PRELID2: variants seen among roughly 807,000 people sequenced by gnomAD.
The protein encoded by PRELID2 is PRELI domain containing 2, also known as PRELI domain-containing protein 2.
In PRELID2, 25 loss-of-function variants were observed where a neutral mutation model predicts 28.4. The ratio of observed to expected loss-of-function variants is 0.88; its 90% confidence interval spans 0.64 to 1.23. PRELID2 has a LOEUF of 1.23. PRELID2 is among the 50% of genes most tolerant of loss of function. PRELID2 has a pLI of 0.00. For missense variants in PRELID2, 201 were observed against 214.4 expected, an observed-to-expected ratio of 0.94 and a Z score of 0.39; for synonymous variants, 76 against 71.6, an observed-to-expected ratio of 1.06 and a Z score of -0.31.
chr5:145,746,803 T>C (rs983382577), intron 1 of PRELID2, among the ~76,000 whole-genome samples: 3 of 152,046 alleles, frequency 2.0e-5, no homozygotes, highest in African/African-American at 7.2e-5. Context: ...CCTGAGCAAA[T>C]GCAAAAGAAT....
chr5:145,547,436 C>T (rs1426951880), intron 1 of PRELID2, among the ~76,000 whole-genome samples: 1 of 152,124 alleles, frequency 6.6e-6, no homozygotes, highest in South Asian at 2.1e-4. Context: ...CACTGGCTTG[C>T]ATTTCCTGAT....
At chr5:145,764,888 T>C in intron 6 of PRELID2, 43 bp downstream of exon 6, 1 of 1,427,242 alleles carries the variant, frequency 7.0e-7, no homozygotes, top group Middle Eastern at 1.8e-4. Context: ...AGCATGAAAA[T>C]ATGGCTTGTG....
chr5:145,240,853 T>C, the PRELID2 span, among the ~76,000 whole-genome samples: 1 of 151,988 alleles, frequency 6.6e-6, no homozygotes, highest in South Asian at 2.1e-4. Flanking sequence ...GTGAATATTA[T>C]AGTGATTCCA....
At chr5:145,270,409 T>A in the PRELID2 span, among the ~76,000 whole-genome samples, 2 of 152,080 alleles carry the variant, frequency 1.3e-5, no homozygotes, top group Non-Finnish European at 2.9e-5. Context: ...AAAGGAACAC[T>A]TTTTACATAA....
intron 1 of PRELID2, among the ~76,000 whole-genome samples, chr5:145,477,879 G>T (rs777062438): frequency 6.6e-6 from 1 of 151,990 alleles, no homozygotes; most frequent in Non-Finnish European, 1.5e-5. Flanking sequence ...AGAGGAGGAA[G>T]AGGAATAGGA....
chr5:145,671,764 A>G (rs986018351), intron 1 of PRELID2, among the ~76,000 whole-genome samples: 1 of 152,198 alleles, frequency 6.6e-6, no homozygotes, highest in African/African-American at 2.4e-5. Flanking sequence ...GTTGATATGT[A>G]AGATATAACC....
chr5:145,522,389 A>G (rs922178436), intron 1 of PRELID2, among the ~76,000 whole-genome samples: 18 of 149,824 alleles, frequency 1.2e-4, no homozygotes, highest in African/African-American at 4.4e-4. Flanking sequence ...CTATCTATAG[A>G]TACAGAGACA....
At chr5:145,580,910 C>A (rs1278453589) in intron 1 of PRELID2, among the ~76,000 whole-genome samples, 2 of 152,050 alleles carry the variant, frequency 1.3e-5, no homozygotes, top group East Asian at 3.9e-4. Context: ...TGCTTGAAAC[C>A]TTTCAATGAC....
the PRELID2 span, among the ~76,000 whole-genome samples, chr5:145,241,453 C>T: frequency 0.055 from 8,308 of 152,080 alleles, 404 homozygotes; most frequent in African/African-American, 0.13. Context: ...ATGTATATCG[C>T]ATTGCATTTT....
chr5:145,318,215 C>T, the PRELID2 span, among the ~76,000 whole-genome samples: 1 of 152,146 alleles, frequency 6.6e-6, no homozygotes, highest in Non-Finnish European at 1.5e-5. Flanking sequence ...TCTCAAAAGG[C>T]TAACATAGTG....
intron 1 of PRELID2, among the ~76,000 whole-genome samples, chr5:145,613,977 T>C (rs535388382): frequency 6.6e-6 from 1 of 152,348 alleles, no homozygotes; most frequent in South Asian, 2.1e-4. Flanking sequence ...CCTTAATCCA[T>C]CTTGAGTTGA....
At chr5:145,415,433 C>T in the PRELID2 span, among the ~76,000 whole-genome samples, 1 of 141,814 alleles carries the variant, frequency 7.1e-6, no homozygotes, top group East Asian at 2.2e-4. Flanking sequence ...CCCTCCCCCA[C>T]CCCCACCCCA....
At chr5:145,579,983 A>G (rs1029372831) in intron 1 of PRELID2, among the ~76,000 whole-genome samples, 5 of 152,116 alleles carry the variant, frequency 3.3e-5, no homozygotes, top group Non-Finnish European at 5.9e-5. Flanking sequence ...AAGATGAATG[A>G]ATAACTTTCC....
intron 1 of PRELID2, among the ~76,000 whole-genome samples, chr5:145,602,443 G>A (rs933975369): frequency 1.3e-5 from 2 of 152,104 alleles, no homozygotes; most frequent in African/African-American, 4.8e-5. Context: ...AAACAATAAA[G>A]CAATGTGTGA....
chr5:145,518,177 A>AATG (rs941199683), intron 1 of PRELID2, among the ~76,000 whole-genome samples: 209 of 137,522 alleles, frequency 1.5e-3, no homozygotes, highest in Admixed American at 2.9e-3. Context: ...TAATAATAAT[A>AATG]ATGATGTCAT....
intron 2 of PRELID2, among the ~76,000 whole-genome samples, chr5:145,472,319 G>C (rs917909560): frequency 6.6e-6 from 1 of 152,110 alleles, no homozygotes; most frequent in African/African-American, 2.4e-5. Context: ...TACAGTCTCT[G>C]GTTAGATGCT....
intron 4 of PRELID2, among the ~76,000 whole-genome samples, chr5:145,815,647 A>T (rs1754250098): frequency 6.6e-6 from 1 of 152,194 alleles, no homozygotes; most frequent in Non-Finnish European, 1.5e-5. Context: ...TTTTCAAATA[A>T]ATGGACCCAT....
chr5:145,296,610 G>A, the PRELID2 span, among the ~76,000 whole-genome samples: 1 of 152,018 alleles, frequency 6.6e-6, no homozygotes, highest in Non-Finnish European at 1.5e-5. Flanking sequence ...ATTTCGGTTG[G>A]CTCCAAGTCT....
the PRELID2 span, among the ~76,000 whole-genome samples, chr5:145,372,014 C>A: frequency 3.3e-5 from 5 of 151,642 alleles, no homozygotes; most frequent in African/African-American, 1.2e-4. Flanking sequence ...GTTCTTGCCT[C>A]TCTAGCTCTT....
Sources: gnomAD v4.1 joint callset for allele counts (sites outside exome capture counted in the v4.1 genomes callset) on GRCh38, gnomAD v4.1.1 for gene constraint, MANE v1.5 for transcripts, NCBI Gene and HGNC (gene_info 2026-07-23, HGNC 2026-07-21) for gene names.